SDK1: variants seen among roughly 807,000 people sequenced by gnomAD.
SDK1 encodes protein sidekick-1.
In SDK1, 157 loss-of-function variants were observed where a neutral mutation model predicts 245.5. The ratio of observed to expected loss-of-function variants is 0.64; its 90% confidence interval spans 0.56 to 0.73. The LOEUF is 0.73. Ranked by LOEUF, SDK1 falls within the 30% of genes least tolerant of loss-of-function variation. SDK1 has a pLI of 0.00. For missense variants in SDK1, 3,583 were observed against 3,002.3 expected (o/e 1.19, Z -4.52); for synonymous variants, 1,647 against 1,278.5 (o/e 1.29, Z -6.15).
At chr7:3,751,389 T>C (rs1329757015) in intron 4 of SDK1, among the ~76,000 whole-genome samples, 1 of 140,004 alleles carries the variant, frequency 7.1e-6, no homozygotes, top group African/African-American at 2.7e-5. Flanking sequence ...TCCAAGATGC[T>C]GCCTATGGCA....
intron 4 of SDK1, among the ~76,000 whole-genome samples, chr7:3,809,157 G>A (rs918438632): frequency 2.6e-5 from 4 of 152,154 alleles, no homozygotes; most frequent in African/African-American, 9.7e-5. Flanking sequence ...ATGGCAGAAG[G>A]CAAAGGGGGA....
intron 38 of SDK1, among the ~76,000 whole-genome samples, chr7:4,211,251 A>G (rs753616507): frequency 1.1e-4 from 16 of 152,214 alleles, no homozygotes; most frequent in African/African-American, 3.9e-4. Flanking sequence ...TTGCCAACAC[A>G]GAGGACTTTG....
At chr7:3,796,515 C>CCT (rs755199672) in intron 4 of SDK1, among the ~76,000 whole-genome samples, 28 of 151,824 alleles carry the variant, frequency 1.8e-4, no homozygotes, top group African/African-American at 6.8e-4. Flanking sequence ...CAGTAATGCC[C>CCT]CTCTCCCCCC....
intron 4 of SDK1, among the ~76,000 whole-genome samples, chr7:3,756,346 T>C (rs1042398719): frequency 6.6e-6 from 1 of 151,696 alleles, no homozygotes. Flanking sequence ...ATGCATACCA[T>C]TGATGTTTTG....
chr7:3,987,292 C>T lies in SDK1; in HGVS notation c.2101C>T (p.Leu701Phe), dbSNP rs1488935178. 1 of 1,613,934 alleles carries T rather than the reference C, an allele frequency of 6.2e-7. No homozygotes were observed. The highest frequency in any genetic ancestry group is 8.5e-7 in the Non-Finnish European group (1 of 1,179,924). Residue 701 changes from leucine to phenylalanine, a missense_variant, in exon 14 of 45, where the codon CTT (leucine) becomes TTT (phenylalanine). Physicochemically the swap from Leu to Phe is conservative, Grantham distance 22 (BLOSUM62 0). Coordinates refer to ENST00000404826, the MANE Select transcript of SDK1 (RefSeq NM_152744.4). ...VRPFDGNSPILYYIVELSENN... is the reference protein window; with the variant it reads ...VRPFDGNSPIFYYIVELSENN... Reference sequence around the variant, plus strand: ...GCCCTTTGATGGAAACAGTCCTATTCTTTATTACATCGTGGAGCTCTCTGA... The same window carrying T: ...GCCCTTTGATGGAAACAGTCCTATTTTTTATTACATCGTGGAGCTCTCTGA...
At chr7:3,983,145 A>T (rs1330102242) in intron 13 of SDK1, among the ~76,000 whole-genome samples, 2 of 152,320 alleles carry the variant, frequency 1.3e-5, no homozygotes, top group East Asian at 3.9e-4. Context: ...GATACCGTGA[A>T]CATTGTTGAA....
chr7:3,460,004 A>C (rs550724827), intron 1 of SDK1, among the ~76,000 whole-genome samples: 1 of 152,358 alleles, frequency 6.6e-6, no homozygotes, highest in African/African-American at 2.4e-5. Context: ...GCTTTTGCCA[A>C]ACATTTTAAA....
chr7:3,604,480 C>A (rs1240010364), intron 1 of SDK1, among the ~76,000 whole-genome samples: 2 of 152,202 alleles, frequency 1.3e-5, no homozygotes, highest in Admixed American at 6.5e-5. Context: ...ATTTTCCTCT[C>A]AACACTTCTT....
At chr7:3,977,873 G>A (rs1393054115) in intron 13 of SDK1, among the ~76,000 whole-genome samples, 2 of 152,220 alleles carry the variant, frequency 1.3e-5, no homozygotes, top group Non-Finnish European at 2.9e-5. Flanking sequence ...CATGCATGAA[G>A]GAATGAATGA....
At chr7:3,413,149 G>A (rs1054512037) in intron 1 of SDK1, among the ~76,000 whole-genome samples, 5 of 152,182 alleles carry the variant, frequency 3.3e-5, no homozygotes, top group Non-Finnish European at 7.3e-5. Flanking sequence ...TGATGTAAAG[G>A]AGCCAGAAAT....
intron 42 of SDK1, among the ~76,000 whole-genome samples, chr7:4,241,335 A>G (rs1006766072): frequency 3.3e-5 from 5 of 152,140 alleles, no homozygotes; most frequent in African/African-American, 9.7e-5. Context: ...CGGAATTTTT[A>G]GAAGTGTATG....
At chr7:3,934,208 A>T (rs1166620197) in intron 5 of SDK1, among the ~76,000 whole-genome samples, 1 of 152,248 alleles carries the variant, frequency 6.6e-6, no homozygotes, top group Non-Finnish European at 1.5e-5. Context: ...AGGAGGGGCC[A>T]TAATTGTGAA....
At chr7:3,756,801 G>C (rs1473641476) in intron 4 of SDK1, among the ~76,000 whole-genome samples, 3 of 152,092 alleles carry the variant, frequency 2.0e-5, no homozygotes, top group African/African-American at 7.2e-5. Flanking sequence ...GTTTCCTCAT[G>C]CTTAGACTGG....
intron 1 of SDK1, among the ~76,000 whole-genome samples, chr7:3,464,832 T>G (rs982531037): frequency 2.6e-5 from 4 of 152,104 alleles, no homozygotes; most frequent in African/African-American, 9.7e-5. Flanking sequence ...TTTGGACAAA[T>G]TTTTAAAGAG....
intron 1 of SDK1, among the ~76,000 whole-genome samples, chr7:3,575,629 A>T (rs1018230123): frequency 2.6e-5 from 4 of 152,016 alleles, no homozygotes; most frequent in Admixed American, 6.6e-5. Flanking sequence ...ATGAAATTTC[A>T]TTAAGAACTT....
chr7:3,646,927 A>G (rs1482925989), intron 4 of SDK1, among the ~76,000 whole-genome samples: 1 of 152,250 alleles, frequency 6.6e-6, no homozygotes, highest in Non-Finnish European at 1.5e-5. Flanking sequence ...AGAAAGCAGA[A>G]CATTGGTTGC....
intron 4 of SDK1, among the ~76,000 whole-genome samples, chr7:3,799,858 A>G (rs530766406): frequency 6.6e-6 from 1 of 152,288 alleles, no homozygotes; most frequent in Non-Finnish European, 1.5e-5. Context: ...TGACTAAATT[A>G]CTGTAAAGTG....
At chr7:3,348,596 A>G (rs1365086119) in intron 1 of SDK1, among the ~76,000 whole-genome samples, 1 of 152,210 alleles carries the variant, frequency 6.6e-6, no homozygotes, top group Non-Finnish European at 1.5e-5. Flanking sequence ...CCTGTTGGGT[A>G]CTATGCCCAC....
intron 1 of SDK1, among the ~76,000 whole-genome samples, chr7:3,469,567 A>G (rs1396468859): frequency 2.0e-5 from 3 of 152,206 alleles, no homozygotes; most frequent in Non-Finnish European, 4.4e-5. Flanking sequence ...GTTAGGGCCT[A>G]TTCCTAGGTT....
Sources: allele counts gnomAD v4.1 joint callset (sites outside exome capture counted in the v4.1 genomes callset), GRCh38; gene constraint gnomAD v4.1.1; transcripts MANE v1.5; gene names NCBI Gene and HGNC (gene_info 2026-07-23, HGNC 2026-07-21).